Variants in MYLK observed in about 807,000 individuals in gnomAD.
The protein encoded by MYLK is myosin light chain kinase.
In MYLK, 106 loss-of-function variants were observed where a neutral mutation model predicts 203.4. That is an observed-to-expected ratio of 0.52 (90% confidence interval 0.45 to 0.61). The LOEUF is 0.61. MYLK is among the 20% of genes least tolerant of loss of function. The probability of loss-of-function intolerance (pLI) is 0.00; values close to 1 mark genes in which losing one functional copy is unlikely to be tolerated. For synonymous variants in MYLK, 867 were observed against 959.5 expected (o/e 0.90, Z 1.78); for missense variants, 2,072 against 2,442.3 (o/e 0.85, Z 3.20).
At chr3:123,693,327 G>T (rs2060762049) in intron 18 of MYLK, among the ~76,000 whole-genome samples, 1 of 152,196 alleles carries the variant, frequency 6.6e-6, no homozygotes, top group South Asian at 2.1e-4. Flanking sequence ...TCTGGAAAAG[G>T]GAGCTTTGAA....
intron 23 of MYLK, among the ~76,000 whole-genome samples, chr3:123,658,786 G>A (rs1222031127): frequency 6.6e-6 from 1 of 152,176 alleles, no homozygotes; most frequent in Non-Finnish European, 1.5e-5. Context: ...CTGTGTATAT[G>A]GAGAAGAAAA....
chr3:123,772,154 G>A (rs1269349114), intron 4 of MYLK, among the ~76,000 whole-genome samples: 6 of 152,070 alleles, frequency 3.9e-5, no homozygotes, highest in South Asian at 2.1e-4. Flanking sequence ...AACAACATAC[G>A]AGAAGTCTTG....
chr3:123,869,698 C>T (rs1365565966), intron 2 of MYLK, among the ~76,000 whole-genome samples: 1 of 152,200 alleles, frequency 6.6e-6, no homozygotes, highest in Non-Finnish European at 1.5e-5. Context: ...AAGTGAGGGA[C>T]TTAACATACC....
intron 2 of MYLK, among the ~76,000 whole-genome samples, chr3:123,868,762 T>G (rs1489671878): frequency 6.6e-6 from 1 of 152,132 alleles, no homozygotes; most frequent in Non-Finnish European, 1.5e-5. Flanking sequence ...AATGTACAAA[T>G]AAACTGTAAA....
intron 3 of MYLK, chr3:123,800,105 T>C (rs529284129): frequency 3.8e-4 from 58 of 151,986 alleles, no homozygotes; most frequent in African/African-American, 1.4e-3. Context: ...CCAGCTGGGG[T>C]GACCTTTGAA....
chr3:123,735,702 G>A, intron 8 of MYLK: 13 of 397,880 alleles, frequency 3.3e-5, no homozygotes, highest in South Asian at 7.7e-5. Flanking sequence ...ACCAATCCAG[G>A]GACAAACAAA....
rs527862099 is a variant in MYLK, at chr3:123,636,732, G to C, written c.4961+1339C>G. ...ACTTGTCAGCGCCCCTTCTCCAAGA[G>C]GGGGCGGGGCAGGGAAACAGGCAGG... On this transcript the variant is annotated intron_variant, in intron 29 of 33. Transcript: ENST00000360304. Among the ~76,000 whole-genome samples the C allele has an allele frequency of 2.6e-5, 4 of 152,334 alleles. No homozygotes were observed. The East Asian group carries it at 7.7e-4, about 30-fold the overall frequency.
At chr3:123,625,822 AGAATT>A (rs1211681058) in intron 31 of MYLK, among the ~76,000 whole-genome samples, 5 of 148,816 alleles carry the variant, frequency 3.4e-5, no homozygotes, top group Non-Finnish European at 7.4e-5. Context: ...AAAAAAAAAA[AGAATT>A]GTAATTCTAA....
At chr3:123,807,669 T>C (rs544510054) in intron 3 of MYLK, among the ~76,000 whole-genome samples, 1 of 152,326 alleles carries the variant, frequency 6.6e-6, no homozygotes, top group South Asian at 2.1e-4. Flanking sequence ...CCATGCATAC[T>C]GGCAAATTTG....
In MYLK at chr3:123,640,221, CAG is replaced by C; in HGVS notation, c.4837+64_4837+65del. 1 of 1,392,092 alleles carries C rather than the reference CAG, an allele frequency of 7.2e-7. No homozygotes were observed. The highest frequency in any genetic ancestry group is 1.2e-5 in the South Asian group (1 of 86,466). The allele number at this position is 1,392,092 out of a possible 1,614,324, so 86.2% of individuals were successfully genotyped here. Reference sequence around the variant, plus strand: ...AATACTGTATGTTTCCTCTCACACTCAGTGTGAGAGGAAACGGCCAGTGCAAT... The same window carrying C: ...AATACTGTATGTTTCCTCTCACACTCTGTGAGAGGAAACGGCCAGTGCAAT... On this transcript the variant is annotated intron_variant, in intron 28 of 33. Transcript: ENST00000360304. The surrounding 1 kb of genome is among the most constrained non-coding windows in gnomAD (Gnocchi z 4.3).
chr3:123,740,044 T>G lies in MYLK; in HGVS notation c.374-43A>C, dbSNP rs370628966. On this transcript the variant is annotated intron_variant, in intron 5 of 33. Coordinates refer to ENST00000360304, the MANE Select transcript of MYLK (RefSeq NM_053025.4). Reference sequence around the variant, plus strand: ...GATGAGTCAGGTCTGAGCCACCAACTTGGAGCAATGAAAGTAAAAAGATTC... The same window carrying G: ...GATGAGTCAGGTCTGAGCCACCAACGTGGAGCAATGAAAGTAAAAAGATTC... The G allele has an allele frequency of 1.4e-5, 22 of 1,607,716 alleles. 1 individual carries two copies. The South Asian group carries it at 2.4e-4, about 18-fold the overall frequency.
chr3:123,732,177 T>C (rs2062505290), intron 11 of MYLK, among the ~76,000 whole-genome samples: 1 of 152,246 alleles, frequency 6.6e-6, no homozygotes, highest in Non-Finnish European at 1.5e-5. Flanking sequence ...GGAAATTTTA[T>C]AGAGATAGAC....
intron 3 of MYLK, among the ~76,000 whole-genome samples, chr3:123,804,131 G>T (rs1487210805): frequency 6.6e-6 from 1 of 152,140 alleles, no homozygotes; most frequent in Non-Finnish European, 1.5e-5. Flanking sequence ...TTGCTCATAA[G>T]GTAAATGGAA....
At chr3:123,660,263 C>T (rs1341699004) in intron 23 of MYLK, among the ~76,000 whole-genome samples, 2 of 152,212 alleles carry the variant, frequency 1.3e-5, no homozygotes, top group East Asian at 3.8e-4. Flanking sequence ...AGAATGAGCT[C>T]AAGAAGGCAT....
chr3:123,787,375 G>A (rs781738258), intron 4 of MYLK, among the ~76,000 whole-genome samples: 2 of 152,186 alleles, frequency 1.3e-5, no homozygotes, highest in Non-Finnish European at 2.9e-5. Context: ...AGGGAGTGCT[G>A]ATGGGGTAAC....
chr3:123,802,487 C>G (rs2065229914), intron 3 of MYLK, among the ~76,000 whole-genome samples: 1 of 152,262 alleles, frequency 6.6e-6, no homozygotes, highest in Non-Finnish European at 1.5e-5. Flanking sequence ...AGCAGCAGAC[C>G]ACGGGTGGGA....
At chr3:123,655,998 C>A (rs2059378629) in intron 24 of MYLK, among the ~76,000 whole-genome samples, 1 of 152,184 alleles carries the variant, frequency 6.6e-6, no homozygotes, top group Non-Finnish European at 1.5e-5. Flanking sequence ...TCTTCCTCAA[C>A]TCACTATGCA....
intron 2 of MYLK, among the ~76,000 whole-genome samples, chr3:123,873,745 C>G (rs1238801306): frequency 6.6e-6 from 1 of 152,114 alleles, no homozygotes; most frequent in East Asian, 1.9e-4. Flanking sequence ...TAGCTAGCTA[C>G]TAATCACATT....
chr3:123,725,982 C>T lies in MYLK; in HGVS notation c.1613G>A (p.Arg538Gln), dbSNP rs368509953. 68 of 1,614,052 alleles carry T rather than the reference C, an allele frequency of 4.2e-5. 1 individual carries two copies. The highest frequency in any genetic ancestry group is 2.6e-4 in the South Asian group (24 of 91,086). Residue 538 changes from arginine to glutamine, a missense_variant, in exon 12 of 34, where the codon CGG becomes CAG. Arg to Gln is a conservative substitution (Grantham distance 43, BLOSUM62 1). Transcript: ENST00000360304. ...GQDFVLQCSVRGTPVPRITWL... is the reference protein window; with the variant it reads ...GQDFVLQCSVQGTPVPRITWL... ...AGTGATCCGGGGCACTGGGGTCCCCCGTACGGAGCACTGCAGCACAAAATC... is the reference window on the plus strand; with the variant it reads ...AGTGATCCGGGGCACTGGGGTCCCCTGTACGGAGCACTGCAGCACAAAATC...
Sources: allele counts gnomAD v4.1 joint callset (sites outside exome capture counted in the v4.1 genomes callset), GRCh38; gene constraint gnomAD v4.1.1; non-coding constraint Gnocchi (gnomAD v3.1); transcripts MANE v1.5; gene names NCBI Gene and HGNC (gene_info 2026-07-23, HGNC 2026-07-21).